CNTN4: variants seen among roughly 807,000 people sequenced by gnomAD.
The protein encoded by CNTN4 is contactin 4, also known as contactin-4.
In CNTN4, 77 loss-of-function variants were observed where a neutral mutation model predicts 122.5. That is an observed-to-expected ratio of 0.63 (90% CI 0.52 to 0.76). CNTN4 has a LOEUF of 0.76. Ranked by LOEUF, CNTN4 falls within the 30% of genes least tolerant of loss-of-function variation. The pLI is 0.00. For synonymous variants in CNTN4, 512 were observed against 447.0 expected (o/e 1.15, Z -1.83); for missense variants, 1,256 against 1,259.1 (o/e 1.00, Z 0.04).
chr3:2,324,385 G>A (rs1284041632), intron 2 of CNTN4, among the ~76,000 whole-genome samples: 2 of 152,106 alleles, frequency 1.3e-5, no homozygotes, highest in Non-Finnish European at 2.9e-5. Context: ...TATATATTGT[G>A]TAGTATGAAG....
chr3:3,049,519 G>A (rs1701038077), intron 23 of CNTN4, among the ~76,000 whole-genome samples: 1 of 152,216 alleles, frequency 6.6e-6, no homozygotes, highest in Non-Finnish European at 1.5e-5. Context: ...TCCGAATACA[G>A]CAGTATGGAT....
chr3:2,296,886 T>G (rs1014231277), intron 2 of CNTN4, among the ~76,000 whole-genome samples: 2 of 152,106 alleles, frequency 1.3e-5, no homozygotes, highest in Middle Eastern at 3.2e-3. Context: ...AGATCTTCAA[T>G]GTAGTATTCT....
chr3:2,687,063 G>A (rs531601428), intron 4 of CNTN4, among the ~76,000 whole-genome samples: 7 of 152,256 alleles, frequency 4.6e-5, no homozygotes, highest in African/African-American at 1.4e-4. Flanking sequence ...TGTGAAAAGG[G>A]CAGACTTTAA....
At chr3:2,702,082 C>A (rs939467186) in intron 4 of CNTN4, among the ~76,000 whole-genome samples, 14 of 152,034 alleles carry the variant, frequency 9.2e-5, no homozygotes, top group African/African-American at 3.4e-4. Context: ...TGAATGGGCT[C>A]TAAGCTTTGT....
At chr3:2,269,207 G>A (rs191829601) in intron 2 of CNTN4, among the ~76,000 whole-genome samples, 4 of 152,152 alleles carry the variant, frequency 2.6e-5, no homozygotes, top group Non-Finnish European at 4.4e-5. Context: ...GTGCTCAGAG[G>A]CCTTTGTTTA....
chr3:2,961,041 T>C (rs1294593655), intron 13 of CNTN4, among the ~76,000 whole-genome samples: 2 of 124,254 alleles, frequency 1.6e-5, no homozygotes, highest in Non-Finnish European at 3.5e-5. Flanking sequence ...CCATCCTGGC[T>C]AACACGGTGA....
chr3:2,903,127 G>C, intron 12 of CNTN4, 122 bp downstream of exon 12: 1 of 937,902 alleles, frequency 1.1e-6, no homozygotes, highest in Admixed American at 2.3e-5. Context: ...TTAGGCCAAA[G>C]ATGCTACTCA....
In CNTN4 at chr3:2,900,689, A is replaced by C; in HGVS notation, c.945A>C (p.Gln315His). Residue 315 changes from glutamine to histidine, a missense_variant, in exon 11 of 25, where the codon CAA becomes CAC. Physicochemically the swap from Gln to His is conservative, Grantham distance 24. Coordinates refer to ENST00000418658, the MANE Select transcript of CNTN4 (RefSeq NM_175607.3). Reference protein sequence around the residue: ...VARGQLTFYAQPNWIQKINDI... With the variant: ...VARGQLTFYAHPNWIQKINDI... Reference sequence around the variant, plus strand: ...TTGCTTTTTGGATGCCTATAGCTCAACCTAATTGGATTCAAAAAATAAATG... The same window carrying C: ...TTGCTTTTTGGATGCCTATAGCTCACCCTAATTGGATTCAAAAAATAAATG... The C allele has an allele frequency of 6.2e-7, 1 of 1,613,706 alleles. No homozygotes were observed.
chr3:2,571,606 T>C, intron 4 of CNTN4, 48 bp downstream of exon 4: 1 of 1,356,340 alleles, frequency 7.4e-7, no homozygotes, highest in Middle Eastern at 1.8e-4. Context: ...CCACTGTATT[T>C]CACACTAATT....
At chr3:2,118,202 G>T (rs1327297814) in intron 2 of CNTN4, among the ~76,000 whole-genome samples, 1 of 152,158 alleles carries the variant, frequency 6.6e-6, no homozygotes, top group Non-Finnish European at 1.5e-5. Flanking sequence ...AGAAAACTGA[G>T]AATCAGAAAG....
At chr3:2,983,007 G>A (rs1341507008) in intron 13 of CNTN4, among the ~76,000 whole-genome samples, 4 of 151,884 alleles carry the variant, frequency 2.6e-5, no homozygotes, top group Admixed American at 2.6e-4. Flanking sequence ...GAGGTCAGGA[G>A]ATCGAGACCA....
At chr3:2,476,033 A>T (rs2075825220) in intron 3 of CNTN4, among the ~76,000 whole-genome samples, 1 of 152,258 alleles carries the variant, frequency 6.6e-6, no homozygotes, top group Non-Finnish European at 1.5e-5. Flanking sequence ...TTTGAAAAGC[A>T]TATGGTCTGA....
intron 2 of CNTN4, among the ~76,000 whole-genome samples, chr3:2,121,969 C>T (rs1222705982): frequency 4.0e-5 from 6 of 151,828 alleles, no homozygotes; most frequent in Middle Eastern, 3.4e-3. Context: ...ATCGAGACCA[C>T]GGTGAAACCC....
At chr3:2,914,129 AC>A (rs1446910971) in intron 12 of CNTN4, among the ~76,000 whole-genome samples, 1 of 152,194 alleles carries the variant, frequency 6.6e-6, no homozygotes. Context: ...AATACAACAT[AC>A]CAAAACTTAC....
chr3:2,701,975 T>A (rs2086382959), intron 4 of CNTN4, among the ~76,000 whole-genome samples: 1 of 152,164 alleles, frequency 6.6e-6, no homozygotes, highest in Admixed American at 6.5e-5. Flanking sequence ...ATTATGGAGA[T>A]CTTAGCCAGA....
At chr3:2,980,658 C>A (rs964561467) in intron 13 of CNTN4, among the ~76,000 whole-genome samples, 2 of 152,176 alleles carry the variant, frequency 1.3e-5, no homozygotes, top group Non-Finnish European at 2.9e-5. Context: ...GACACGGGCA[C>A]ACACAAGGAG....
At chr3:2,414,137 G>A (rs1251610417) in intron 3 of CNTN4, among the ~76,000 whole-genome samples, 1 of 152,158 alleles carries the variant, frequency 6.6e-6, no homozygotes, top group African/African-American at 2.4e-5. Flanking sequence ...TGACTTGAGG[G>A]ATTTCAGGGT....
intron 2 of CNTN4, among the ~76,000 whole-genome samples, chr3:2,266,886 A>G (rs759167545): frequency 5.3e-5 from 8 of 152,104 alleles, no homozygotes; most frequent in Non-Finnish European, 1.0e-4. Flanking sequence ...GGCTTCTTCA[A>G]TACTAAAACC....
intron 3 of CNTN4, among the ~76,000 whole-genome samples, chr3:2,391,404 C>T (rs1364257418): frequency 6.6e-6 from 1 of 152,108 alleles, no homozygotes; most frequent in Non-Finnish European, 1.5e-5. Flanking sequence ...CATTATCAAA[C>T]AATATATGAA....
Sources: allele counts gnomAD v4.1 joint callset (sites outside exome capture counted in the v4.1 genomes callset), GRCh38; gene constraint gnomAD v4.1.1; transcripts MANE v1.5; gene names NCBI Gene and HGNC (gene_info 2026-07-23, HGNC 2026-07-21).